Variants in DENND11 observed in about 807,000 individuals in gnomAD.
The protein encoded by DENND11 is DENN domain containing 11.
Under a neutral mutation model 49.2 loss-of-function variants are expected in DENND11, and 34 were observed. The observed-to-expected ratio is 0.69, with a 90% CI of 0.53 to 0.92. DENND11 has a LOEUF of 0.92. Ranked by LOEUF, DENND11 falls within the 40% of genes least tolerant of loss-of-function variation. The probability of loss-of-function intolerance (pLI) is 0.00; values close to 1 mark genes in which losing one functional copy is unlikely to be tolerated. For synonymous variants in DENND11, 238 were observed against 230.3 expected, an observed-to-expected ratio of 1.03 and a Z score of -0.30; for missense variants, 475 against 581.6, an observed-to-expected ratio of 0.82 and a Z score of 1.88.
In DENND11 at chr7:141,696,554, C is replaced by T. The variant is rs531086800; in HGVS notation, c.268+5332G>A. On this transcript the variant is annotated intron_variant, in intron 1 of 8. Transcript: ENST00000536163. ...AGAGACTGCCTCAGCTGGAGATCCT[C>T]TTCCAGCTCCTCTGACCTCAGGAGT... 2.0e-5 allele frequency among the ~76,000 whole-genome samples: 3 copies of T among 152,354 alleles called. No individual in the cohort carries two copies. In the East Asian group the frequency reaches 5.8e-4, roughly 29 times the overall value.
Position 141,675,818 on chromosome 7 carries a change from T to C in DENND11, c.528-1598A>G, listed in dbSNP as rs1372723646. ...AAAAATCATCACTATATTCATATAA[T>C]GATTACTAATGTAAGATGGATGATA... On this transcript the variant is annotated intron_variant, in intron 3 of 8. Coordinates refer to ENST00000536163, the MANE Select transcript of DENND11 (RefSeq NM_001080392.2). Among the ~76,000 whole-genome samples, 6 of 152,382 alleles carry C rather than the reference T, an allele frequency of 3.9e-5. No individual in the cohort carries two copies. In the South Asian group the frequency reaches 6.2e-4, roughly 16 times the overall value.
chr7:141,663,113 G>A (rs1797829701), intron 8 of DENND11: 1 of 350,658 alleles, frequency 2.9e-6, no homozygotes, highest in Non-Finnish European at 5.1e-6. Context: ...CCATTTTCCT[G>A]TTGAGGGAAG....
chr7:141,665,767 C>T (rs1022511878), intron 5 of DENND11, among the ~76,000 whole-genome samples: 6 of 151,976 alleles, frequency 3.9e-5, no homozygotes, highest in Non-Finnish European at 8.8e-5. Flanking sequence ...AAATAATCTA[C>T]CACCCTCAAA....
chr7:141,694,206 G>A lies in DENND11; in HGVS notation c.269-7548C>T, dbSNP rs149840245. On this transcript the variant is annotated intron_variant, in intron 1 of 8. Transcript: ENST00000536163. Reference sequence around the variant, plus strand: ...TTAACCTAAATTAACTGCCCTAAGAGTGGCAATGATACTATGGTGATGTAG... The same window carrying A: ...TTAACCTAAATTAACTGCCCTAAGAATGGCAATGATACTATGGTGATGTAG... Among the ~76,000 whole-genome samples, 59 of 152,194 alleles carry A rather than the reference G, an allele frequency of 3.9e-4. 1 individual carries two copies. Among genetic ancestry groups the A allele is most frequent in the African/African-American group, 1.4e-3 (57 of 41,528 alleles).
In DENND11 at chr7:141,661,645, C is replaced by G. The variant is rs1797795762; in HGVS notation, c.*1011G>C. On this transcript the variant is annotated 3_prime_UTR_variant, in exon 9 of 9. Transcript: ENST00000536163. The stretch of plus-strand genomic sequence containing the variant: ...GCTCCACCCTCTGAGTTAACCAGCT[C>G]AGATCCTTGCTAGATTTTGGAATCC... 6.6e-6 allele frequency: 1 copy of G among 152,224 alleles called. No homozygotes were observed. The highest frequency in any genetic ancestry group is 6.5e-5 in the Admixed American group (1 of 15,284). The allele number at this position is 152,224 out of a possible 1,614,324, so 9.4% of individuals were successfully genotyped here. A position where few individuals can be genotyped will look rare whatever the true frequency, so the allele number is the denominator to read the frequency against.
At position 141,664,165 on chromosome 7, in the gene DENND11, G is replaced by A. The variant is rs757949783; in HGVS notation, c.1172+7C>T. ...GGAGACTCCACATCCACGGCCCCAG[G>A]ACTCACAGCACGAAGAGGTCCTCTT... is the stretch of plus-strand genomic sequence containing the variant. On this transcript the variant is annotated splice_region_variant and intron_variant, in intron 8 of 8. Coordinates refer to ENST00000536163, the MANE Select transcript of DENND11 (RefSeq NM_001080392.2). 11 of 1,572,764 alleles carry A rather than the reference G, an allele frequency of 7.0e-6. No homozygotes were observed. The highest frequency in any genetic ancestry group is 3.3e-4 in the Middle Eastern group (2 of 6,034).
At chr7:141,701,795 GGTGC>G in intron 1 of DENND11, 87 bp downstream of exon 1, 1 of 1,040,386 alleles carries the variant, frequency 9.6e-7, no homozygotes, top group Non-Finnish European at 1.2e-6. Context: ...CGGGAGGGCA[GGTGC>G]GCGCGCAGCG....
intron 8 of DENND11, chr7:141,663,085 A>C: frequency 2.5e-6 from 1 of 398,616 alleles, no homozygotes; most frequent in Non-Finnish European, 4.4e-6. Flanking sequence ...ATCTCTAAGC[A>C]AGATGGCCTG....
chr7:141,678,502 A>T (rs1411684427), intron 3 of DENND11, among the ~76,000 whole-genome samples: 1 of 152,198 alleles, frequency 6.6e-6, no homozygotes, highest in African/African-American at 2.4e-5. Context: ...AAACATATAC[A>T]CAAAATGTAG....
At position 141,664,164 on chromosome 7, in the gene DENND11, G is replaced by A; in HGVS notation, c.1172+8C>T. Reference sequence around the variant, plus strand: ...GGGAGACTCCACATCCACGGCCCCAGGACTCACAGCACGAAGAGGTCCTCT... The same window carrying A: ...GGGAGACTCCACATCCACGGCCCCAAGACTCACAGCACGAAGAGGTCCTCT... On this transcript the variant is annotated splice_region_variant and intron_variant, in intron 8 of 8. Coordinates refer to ENST00000536163, the MANE Select transcript of DENND11 (RefSeq NM_001080392.2). 1 of 1,572,638 alleles carries A rather than the reference G, an allele frequency of 6.4e-7. No individual in the cohort carries two copies. The highest frequency in any genetic ancestry group is 8.6e-7 in the Non-Finnish European group (1 of 1,156,954).
chr7:141,701,865 TG>T lies in DENND11; in HGVS notation c.268+20del. ...GGCACCCCGACCCTCCCCACGCGCC[TG>T]GCCCCGGCGCGGCCCTCACCCGAGC... On this transcript the variant is annotated intron_variant, in intron 1 of 8. Transcript: ENST00000536163. 8.6e-7 allele frequency: 1 copy of T among 1,166,230 alleles called. No individual in the cohort carries two copies. The highest frequency in any genetic ancestry group is 3.4e-4 in the Middle Eastern group (1 of 2,950). 72.2% of individuals were successfully genotyped at this position (1,166,230 alleles called of 1,614,324 possible).
chr7:141,694,059 T>G (rs1441200092), intron 1 of DENND11, among the ~76,000 whole-genome samples: 1 of 152,190 alleles, frequency 6.6e-6, no homozygotes, highest in Non-Finnish European at 1.5e-5. Context: ...AAATTATATG[T>G]GTATGAGTGA....
chr7:141,701,785 C>T (rs1584731450), intron 1 of DENND11, 101 bp downstream of exon 1: 5 of 985,788 alleles, frequency 5.1e-6, no homozygotes, highest in East Asian at 4.9e-5. Context: ...GGTGCGGGGC[C>T]GGGAGGGCAG....
Position 141,658,285 on chromosome 7 carries a change from A to G in DENND11, c.*4371T>C, listed in dbSNP as rs1403013585. 2.0e-5 allele frequency: 3 copies of G among 152,224 alleles called. No individual in the cohort carries two copies. Among genetic ancestry groups the G allele is most frequent in the African/African-American group, 7.2e-5 (3 of 41,452 alleles). The allele number at this position is 152,224 out of a possible 1,614,324, so 9.4% of individuals were successfully genotyped here. On this transcript the variant is annotated 3_prime_UTR_variant, in exon 9 of 9. Transcript: ENST00000536163. Reference sequence around the variant, plus strand: ...CTTTTCCCACAACACTCAATACTCCAGTAGCTTCTAGGAAGAGAGGTATAT... The same window carrying G: ...CTTTTCCCACAACACTCAATACTCCGGTAGCTTCTAGGAAGAGAGGTATAT...
chr7:141,702,006 G>A lies in DENND11; in HGVS notation c.148C>T (p.Arg50Trp). The stretch of plus-strand genomic sequence containing the variant: ...GGGGCGGCCGGCTCCTCGGGCTCCC[G>A]CCTCCGGGGCGGCTCCGCGGCCGGC... Reference protein sequence around the residue: ...ARPAAEPPRRREPEEPAAPEV... With the variant: ...ARPAAEPPRRWEPEEPAAPEV... Residue 50 changes from arginine (R) to tryptophan (W), a missense_variant, in exon 1 of 9, where the codon CGG becomes TGG. Coordinates refer to ENST00000536163, the MANE Select transcript of DENND11 (RefSeq NM_001080392.2). The A allele has an allele frequency of 4.5e-6, 5 of 1,119,636 alleles. No homozygotes were observed. The highest frequency in any genetic ancestry group is 4.4e-6 in the Non-Finnish European group (4 of 916,768). 69.4% of individuals were successfully genotyped at this position (1,119,636 alleles called of 1,614,324 possible). A position where few individuals can be genotyped will look rare whatever the true frequency, so the allele number is the denominator to read the frequency against.
intron 3 of DENND11, 42 bp from the exon 4 acceptor site, chr7:141,674,262 G>A: frequency 1.3e-6 from 2 of 1,497,042 alleles, no homozygotes; most frequent in South Asian, 2.6e-5. Context: ...CACACACAGT[G>A]AGAACAGCCC....
At chr7:141,664,279 C>T in intron 7 of DENND11, 39 bp from the exon 8 acceptor site, 1 of 1,516,824 alleles carries the variant, frequency 6.6e-7, no homozygotes, top group Non-Finnish European at 9.0e-7. Flanking sequence ...GTGCAGGTAC[C>T]AGGACCGCAG....
At chr7:141,700,423 AAAGAG>A (rs1276839998) in intron 1 of DENND11, among the ~76,000 whole-genome samples, 1 of 152,018 alleles carries the variant, frequency 6.6e-6, no homozygotes, top group Non-Finnish European at 1.5e-5. Context: ...CACTTAAAAA[AAAGAG>A]AAAAGAGCCA....
intron 1 of DENND11, among the ~76,000 whole-genome samples, chr7:141,693,378 G>A (rs1488434236): frequency 1.3e-5 from 2 of 152,204 alleles, no homozygotes; most frequent in Admixed American, 1.3e-4. Context: ...GGGACAGCAG[G>A]AATTCATTGC....
Sources: gnomAD v4.1 joint callset for allele counts (sites outside exome capture counted in the v4.1 genomes callset) on GRCh38, gnomAD v4.1.1 for gene constraint, MANE v1.5 for transcripts, NCBI Gene and HGNC (gene_info 2026-07-23, HGNC 2026-07-21) for gene names.